The following TTC39B variants were observed in gnomAD, a reference collection of about 807,000 sequenced individuals.
TTC39B encodes the protein tetratricopeptide repeat protein 39B.
In TTC39B, 92 loss-of-function variants were observed where a neutral mutation model predicts 96.6. The ratio of observed to expected loss-of-function variants is 0.95; its 90% CI spans 0.80 to 1.13. The LOEUF (loss-of-function observed/expected upper bound fraction) is 1.13, where lower values mean the gene tolerates loss of function less well. Ranked by LOEUF, TTC39B falls within the 50% of genes most tolerant of loss-of-function variation. The probability of loss-of-function intolerance (pLI) is 0.00; values close to 1 mark genes in which losing one functional copy is unlikely to be tolerated. For synonymous variants in TTC39B, 367 were observed against 299.4 expected (o/e 1.23, Z -2.33); for missense variants, 955 against 809.3 (o/e 1.18, Z -2.18).
chr9:15,279,896 T>G (rs1444662082), intron 1 of TTC39B, among the ~76,000 whole-genome samples: 6 of 141,168 alleles, frequency 4.3e-5, no homozygotes, highest in Non-Finnish European at 9.2e-5. Context: ...TCTTTTCTTT[T>G]TTTTTTTTTT....
intron 2 of TTC39B, among the ~76,000 whole-genome samples, chr9:15,266,782 A>G (rs1218590431): frequency 1.3e-5 from 2 of 152,106 alleles, no homozygotes; most frequent in African/African-American, 2.4e-5. Flanking sequence ...TAACACCCTT[A>G]TAAGAAAGGA....
intron 6 of TTC39B, among the ~76,000 whole-genome samples, chr9:15,204,258 G>A (rs1036794387): frequency 1.3e-5 from 2 of 152,172 alleles, no homozygotes; most frequent in Non-Finnish European, 2.9e-5. Context: ...GCTGTGCGTG[G>A]TGGTTTACGC....
chr9:15,189,501 G>A, intron 13 of TTC39B, 73 bp downstream of exon 13: 1 of 1,507,784 alleles, frequency 6.6e-7, no homozygotes, highest in South Asian at 1.2e-5. Context: ...TGTTGAATAA[G>A]TAGGTCACAG....
intron 9 of TTC39B, 106 bp from the exon 10 acceptor site, chr9:15,191,361 G>A (rs1374716746): frequency 1.4e-6 from 1 of 716,628 alleles, no homozygotes; most frequent in Non-Finnish European, 2.3e-6. Flanking sequence ...ATGAGAAATT[G>A]GGAACAAGTT....
At chr9:15,243,492 C>T (rs1253070939) in intron 2 of TTC39B, among the ~76,000 whole-genome samples, 1 of 152,152 alleles carries the variant, frequency 6.6e-6, no homozygotes, top group Non-Finnish European at 1.5e-5. Context: ...TGGTCATCGC[C>T]CCTGCAAGGA....
chr9:15,183,461 G>C, intron 16 of TTC39B: 2 of 215,300 alleles, frequency 9.3e-6, no homozygotes, highest in South Asian at 3.0e-5. Context: ...AAATTCCTAG[G>C]TACAAAAAAA....
At chr9:15,188,712 G>T (rs1588865798) in intron 13 of TTC39B, among the ~76,000 whole-genome samples, 1 of 138,824 alleles carries the variant, frequency 7.2e-6, no homozygotes, top group African/African-American at 2.9e-5. Flanking sequence ...TCCTGAGCCA[G>T]CAAAGAGCAT....
chr9:15,233,196 G>A (rs1257377386), intron 2 of TTC39B, among the ~76,000 whole-genome samples: 1 of 152,138 alleles, frequency 6.6e-6, no homozygotes, highest in Admixed American at 6.5e-5. Flanking sequence ...CGACGGCTAG[G>A]TCCTCCGTGA....
intron 1 of TTC39B, among the ~76,000 whole-genome samples, chr9:15,284,194 C>T (rs112039931): frequency 4.1e-4 from 63 of 152,218 alleles, no homozygotes; most frequent in African/African-American, 1.4e-3. Context: ...GAAATGTGCA[C>T]GTAAAAAGTC....
At chr9:15,266,611 T>C (rs548672827) in intron 2 of TTC39B, among the ~76,000 whole-genome samples, 1 of 152,250 alleles carries the variant, frequency 6.6e-6, no homozygotes, top group Admixed American at 6.5e-5. Flanking sequence ...TTGATAATAC[T>C]CCTGTGGAAG....
At chr9:15,217,304 T>C (rs1820575942) in intron 3 of TTC39B, among the ~76,000 whole-genome samples, 1 of 152,160 alleles carries the variant, frequency 6.6e-6, no homozygotes, top group Admixed American at 6.5e-5. Context: ...CATCCTTCAT[T>C]ACCAGGAAAC....
exon 20 of TTC39B, chr9:15,166,592 A>G (rs1050543421): frequency 2.0e-5 from 3 of 152,206 alleles, no homozygotes; most frequent in African/African-American, 7.2e-5. Context: ...ATAAATTCTG[A>G]TGTGTCCTTT....
chr9:15,183,584 A>G (rs1564317719), intron 16 of TTC39B: 2 of 271,108 alleles, frequency 7.4e-6, no homozygotes, highest in Non-Finnish European at 1.5e-5. Flanking sequence ...CTTAACAGTC[A>G]AAGCAGGATA....
At chr9:15,263,946 T>C (rs1335028489) in intron 2 of TTC39B, among the ~76,000 whole-genome samples, 1 of 152,082 alleles carries the variant, frequency 6.6e-6, no homozygotes, top group Non-Finnish European at 1.5e-5. Context: ...CAAGATACAT[T>C]CTAAAATGGG....
At chr9:15,304,004 T>G (rs995107449) in intron 1 of TTC39B, among the ~76,000 whole-genome samples, 9 of 152,230 alleles carry the variant, frequency 5.9e-5, no homozygotes, top group African/African-American at 1.7e-4. Flanking sequence ...GTTTTCCTTT[T>G]TGGCACTTGA....
intron 1 of TTC39B, among the ~76,000 whole-genome samples, chr9:15,294,598 G>A (rs540885): frequency 0.89 from 135,316 of 152,226 alleles, 60,213 homozygotes; most frequent in East Asian, 0.97. Context: ...CCTGTTTACT[G>A]CTCTCTTTTG....
Position 15,254,302 on chromosome 9 carries a change from C to A in TTC39B, c.275+13612G>T, listed in dbSNP as rs368664170. On this transcript the variant is annotated intron_variant, in intron 2 of 19. Transcript: ENST00000512701. ...TTTGTTAGATTTTTTTTAATGTGTT[C>A]TTTTTTTAAATCTTTAAAAAGTGTT... 3.6e-4 allele frequency among the ~76,000 whole-genome samples: 54 copies of A among 151,684 alleles called. No individual in the cohort carries two copies. In the South Asian group the frequency reaches 0.011, roughly 32 times the overall value.
chr9:15,218,419 G>GT (rs1820645141), intron 3 of TTC39B, among the ~76,000 whole-genome samples: 1 of 151,950 alleles, frequency 6.6e-6, no homozygotes, highest in African/African-American at 2.4e-5. Flanking sequence ...TGTTATGAGT[G>GT]TGTTTTGTGA....
exon 20 of TTC39B, chr9:15,169,067 T>C (rs1817581197): frequency 6.6e-6 from 1 of 152,212 alleles, no homozygotes; most frequent in African/African-American, 2.4e-5. Flanking sequence ...GACAGTCACA[T>C]TAGCCCTGCT....
Sources: allele counts gnomAD v4.1 joint callset (sites outside exome capture counted in the v4.1 genomes callset), GRCh38; gene constraint gnomAD v4.1.1; transcripts MANE v1.5; gene names NCBI Gene and HGNC (gene_info 2026-07-23, HGNC 2026-07-21).